FANCD2: variants seen among roughly 807,000 people sequenced by gnomAD.
FANCD2 encodes Fanconi anemia group D2 protein.
FANCD2 carries 131 observed loss-of-function variants against 192.3 expected under a neutral mutation model. That is an observed-to-expected ratio of 0.68 (90% CI 0.59 to 0.79). The LOEUF (loss-of-function observed/expected upper bound fraction) is 0.79, where lower values mean the gene tolerates loss of function less well. Ranked by LOEUF, FANCD2 falls within the 30% of genes least tolerant of loss-of-function variation. The pLI is 0.00. For synonymous variants in FANCD2, 524 were observed against 612.5 expected, an observed-to-expected ratio of 0.86 and a Z score of 2.13; for missense variants, 1,508 against 1,701.6, an observed-to-expected ratio of 0.89 and a Z score of 2.00.
At chr3:10,078,023 A>C in intron 29 of FANCD2, 58 bp from the exon 30 acceptor site, 1 of 1,252,582 alleles carries the variant, frequency 8.0e-7, no homozygotes, top group Non-Finnish European at 1.2e-6. Context: ...GAAAGAAAAA[A>C]AATTATCATG....
At position 10,055,701 on chromosome 3, in the gene FANCD2, A is replaced by G. The variant is rs567895080; in HGVS notation, c.1656+3204A>G. Among the ~76,000 whole-genome samples, 7 of 152,110 alleles carry G rather than the reference A, an allele frequency of 4.6e-5. No homozygotes were observed. In the East Asian group the frequency reaches 1.4e-3, roughly 29 times the overall value. Reference sequence around the variant, plus strand: ...GTGGCAGGCGCCTATAGTCCCAGCTACTTGGGAAGCTGAAGCAGGGGAATG... The same window carrying G: ...GTGGCAGGCGCCTATAGTCCCAGCTGCTTGGGAAGCTGAAGCAGGGGAATG... On this transcript the variant is annotated intron_variant, in intron 18 of 43. Coordinates refer to ENST00000675286, the MANE Select transcript of FANCD2 (RefSeq NM_001018115.3).
intron 5 of FANCD2, 56 bp downstream of exon 5, chr3:10,034,854 TG>T (rs763311345): frequency 7.9e-6 from 10 of 1,264,568 alleles, no homozygotes; most frequent in Non-Finnish European, 1.0e-5. Flanking sequence ...GCCAACTTCA[TG>T]GGGCTGGGGA....
intron 2 of FANCD2, chr3:10,032,233 T>C (rs1290746875): frequency 5.5e-6 from 2 of 362,504 alleles, no homozygotes; most frequent in East Asian, 8.8e-5. Flanking sequence ...GTTTAGTATT[T>C]GGGTGGAAAA....
chr3:10,096,705 A>G (rs376637471), intron 42 of FANCD2, among the ~76,000 whole-genome samples: 234 of 152,344 alleles, frequency 1.5e-3, no homozygotes, highest in African/African-American at 5.3e-3. Context: ...GATATAAACA[A>G]TGCCTCAGAC....
chr3:10,058,780 G>C (rs2125024573), intron 18 of FANCD2, among the ~76,000 whole-genome samples: 1 of 152,186 alleles, frequency 6.6e-6, no homozygotes, highest in Non-Finnish European at 1.5e-5. Context: ...AGGAAGTGTG[G>C]GCCCTCCAAC....
At chr3:10,101,140 C>T (rs775919604) in intron 43 of FANCD2, 48 bp from the exon 44 acceptor site, 6 of 1,390,260 alleles carry the variant, frequency 4.3e-6, no homozygotes, top group Non-Finnish European at 6.1e-6. Flanking sequence ...CAGAGGTCAC[C>T]CAGAGCAGTA....
At position 10,088,319 on chromosome 3, in the gene FANCD2, T is replaced by A. The variant is rs914093840; in HGVS notation, c.3467-130T>A. 13 of 731,526 alleles carry A rather than the reference T, an allele frequency of 1.8e-5. No individual in the cohort carries two copies. The African/African-American group carries it at 2.3e-4, about 13-fold the overall frequency. The allele number at this position is 731,526 out of a possible 1,614,324, so 45.3% of individuals were successfully genotyped here. A position where few individuals can be genotyped will look rare whatever the true frequency, so the allele number is the denominator to read the frequency against. ...GTGACAGCTTTTTGTAAGTTGCCTG[T>A]TAGACCGGGAACGTCTTAGTAAATC... On this transcript the variant is annotated intron_variant, in intron 34 of 43. Transcript: ENST00000675286.
At chr3:10,086,784 C>A (rs1332508893) in intron 33 of FANCD2, among the ~76,000 whole-genome samples, 2 of 152,154 alleles carry the variant, frequency 1.3e-5, no homozygotes, top group Non-Finnish European at 2.9e-5. Flanking sequence ...GGCCTGTGAA[C>A]CCAGATTTTA....
At chr3:10,046,754 T>C (rs1429054530) in intron 15 of FANCD2, 31 bp downstream of exon 15, 23 of 1,502,060 alleles carry the variant, frequency 1.5e-5, no homozygotes, top group Non-Finnish European at 2.1e-5. Context: ...ATTTTTAATC[T>C]AAAACAGAAA....
chr3:10,073,446 A>G, intron 28 of FANCD2, 84 bp downstream of exon 28: 1 of 1,111,030 alleles, frequency 9.0e-7, no homozygotes, highest in Non-Finnish European at 1.4e-6. Flanking sequence ...GGCATTTTAC[A>G]AAGAAAAAAA....
At chr3:10,082,326 G>A (rs1693892603) in intron 32 of FANCD2, among the ~76,000 whole-genome samples, 1 of 152,102 alleles carries the variant, frequency 6.6e-6, no homozygotes, top group Admixed American at 6.6e-5. Flanking sequence ...TTTCTCCACT[G>A]CTTCCAGACT....
chr3:10,099,659 GA>G, intron 43 of FANCD2: 1 of 153,610 alleles, frequency 6.5e-6, no homozygotes, highest in Non-Finnish European at 1.4e-5. Flanking sequence ...TTGGGAGGCT[GA>G]GGCAGGAGAA....
At chr3:10,049,178 T>G (rs5009358) in intron 16 of FANCD2, among the ~76,000 whole-genome samples, 196 bp from the exon 17 acceptor site, 13 of 140,604 alleles carry the variant, frequency 9.2e-5, no homozygotes, top group African/African-American at 3.4e-4. Flanking sequence ...TAGGTCAAGA[T>G]GGGATGGTCA....
intron 30 of FANCD2, among the ~76,000 whole-genome samples, chr3:10,078,834 G>A (rs1693673674): frequency 6.6e-6 from 1 of 151,916 alleles, no homozygotes; most frequent in African/African-American, 2.4e-5. Context: ...GGGCATGGTG[G>A]TGCAGCTATA....
Position 10,069,677 on chromosome 3 carries a change from C to T in FANCD2, c.2494+2360C>T, listed in dbSNP as rs192339827. On this transcript the variant is annotated intron_variant, in intron 26 of 43. Transcript: ENST00000675286. ...CGGGGTTTCGCTGTGTTGGCCGGGC[C>T]GGTCTCCAGCTCCTAACCGCGAGTG... 3.5e-3 allele frequency among the ~76,000 whole-genome samples: 529 copies of T among 152,214 alleles called. 10 individuals are homozygous for T. In the South Asian group the frequency reaches 0.039, roughly 11 times the overall value.
In FANCD2 at chr3:10,048,057, T is replaced by C. The variant is rs1252691848; in HGVS notation, c.1413+6T>C. ...TTGACACGTACTGCCAGCAGGTATG[T>C]TGAAACATTTATTTTGGCAAGGAGG... On this transcript the variant is annotated splice_donor_region_variant and intron_variant, in intron 16 of 43. Coordinates refer to ENST00000675286, the MANE Select transcript of FANCD2 (RefSeq NM_001018115.3). The C allele has an allele frequency of 6.2e-7, 1 of 1,614,232 alleles. No individual in the cohort carries two copies. Among genetic ancestry groups the C allele is most frequent in the Non-Finnish European group, 8.5e-7 (1 of 1,180,046 alleles).
intron 3 of FANCD2, among the ~76,000 whole-genome samples, chr3:10,033,895 C>T (rs1465053520): frequency 6.6e-6 from 1 of 151,030 alleles, no homozygotes; most frequent in Admixed American, 6.6e-5. Flanking sequence ...GACGGAGTTT[C>T]ACCGTGTTAG....
chr3:10,090,219 G>A, intron 36 of FANCD2, 73 bp from the exon 37 acceptor site: 1 of 1,112,960 alleles, frequency 9.0e-7, no homozygotes, highest in Non-Finnish European at 1.4e-6. Context: ...GCTACTTTTG[G>A]TTCCTGGTTC....
intron 26 of FANCD2, among the ~76,000 whole-genome samples, chr3:10,068,988 C>G (rs2087795363): frequency 6.6e-6 from 1 of 152,078 alleles, no homozygotes; most frequent in Non-Finnish European, 1.5e-5. Flanking sequence ...ATACAAAAAT[C>G]AAAATGGATT....
Sources: allele counts gnomAD v4.1 joint callset (sites outside exome capture counted in the v4.1 genomes callset), GRCh38; gene constraint gnomAD v4.1.1; transcripts MANE v1.5; gene names NCBI Gene and HGNC (gene_info 2026-07-23, HGNC 2026-07-21).